Variants in RHD observed in about 807,000 individuals in gnomAD.
The protein encoded by RHD is blood group Rh(D) polypeptide.
Under a neutral mutation model 45.5 loss-of-function variants are expected in RHD, and 16 were observed. The observed-to-expected ratio is 0.35, with a 90% CI of 0.24 to 0.53. The LOEUF is 0.53. Among genes scored for constraint, RHD ranks in the 20% least tolerant of loss-of-function variants. RHD has a pLI of 0.92. For missense variants in RHD, 306 were observed against 532.0 expected (o/e 0.58, Z 4.18); for synonymous variants, 131 against 217.5 (o/e 0.60, Z 3.50).
At position 25,307,403 on chromosome 1, in the gene RHD, T is replaced by C. The variant is rs1643905324; in HGVS notation, c.1073+674T>C. Among the ~76,000 whole-genome samples the C allele has an allele frequency of 1.5e-5, 2 of 131,876 alleles. 1 individual carries two copies. The highest frequency in any genetic ancestry group is 5.2e-5 in the African/African-American group (2 of 38,324). 86.5% of individuals were successfully genotyped at this position (131,876 alleles called of 152,430 possible). ...ATGTTGTGTGAATATTTTCTGGACA[T>C]GGCTTATATAAAATGAAAAAGTGAA... On this transcript the variant is annotated intron_variant, in intron 7 of 9. Transcript: ENST00000328664.
chr1:25,287,355 T>G (rs147219176), intron 2 of RHD, among the ~76,000 whole-genome samples: 1 of 135,432 alleles, frequency 7.4e-6, no homozygotes, highest in Non-Finnish European at 1.8e-5. Context: ...TGACTCAATC[T>G]AGAAAGACGA....
intron 3 of RHD, among the ~76,000 whole-genome samples, chr1:25,300,532 A>G (rs28586271): frequency 0.03 from 3,552 of 118,388 alleles, 587 homozygotes; most frequent in African/African-American, 0.095. Flanking sequence ...AAAAAAGGCC[A>G]GGCGCAGTGG....
At chr1:25,302,201 G>A (rs1362904390) in intron 5 of RHD, among the ~76,000 whole-genome samples, 2 of 131,236 alleles carry the variant, frequency 1.5e-5, no homozygotes, top group East Asian at 3.9e-4. Flanking sequence ...TGCTTAACGG[G>A]GAGTAAATGG....
At position 25,321,746 on chromosome 1, in the gene RHD, T is replaced by G. The variant is rs868385987; in HGVS notation, c.1154-143T>G. ...TAAGCTGGTCCAGGAATGACAGGGCTTCCATTTATTTGTCTTTCAATTGTG... is the reference window on the plus strand; with the variant it reads ...TAAGCTGGTCCAGGAATGACAGGGCGTCCATTTATTTGTCTTTCAATTGTG... On this transcript the variant is annotated intron_variant, in intron 8 of 9. Coordinates refer to ENST00000328664, the MANE Select transcript of RHD (RefSeq NM_016124.6). 8.1e-5 allele frequency: 34 copies of G among 419,708 alleles called. 5 individuals are homozygous for G. The highest frequency in any genetic ancestry group is 2.8e-4 in the East Asian group (9 of 31,762). The allele number at this position is 419,708 out of a possible 1,614,324, so 26.0% of individuals were successfully genotyped here. A position where few individuals can be genotyped will look rare whatever the true frequency, so the allele number is the denominator to read the frequency against.
rs1231517207 is a variant in RHD, at chr1:25,302,504, C to T, written c.801+818C>T. Among the ~76,000 whole-genome samples the T allele has an allele frequency of 4.6e-5, 6 of 129,824 alleles. 1 individual carries two copies. Among genetic ancestry groups the T allele is most frequent in the Non-Finnish European group, 1.1e-4 (6 of 55,088 alleles). 85.2% of individuals were successfully genotyped at this position (129,824 alleles called of 152,430 possible). A position where few individuals can be genotyped will look rare whatever the true frequency, so the allele number is the denominator to read the frequency against. On this transcript the variant is annotated intron_variant, in intron 5 of 9. Coordinates refer to ENST00000328664, the MANE Select transcript of RHD (RefSeq NM_016124.6). Reference sequence around the variant, plus strand: ...TTCCATGGTGACAGAAAGTCTAAGACACCCAGCAAGGCAGGAGTGGGTGTC... The same window carrying T: ...TTCCATGGTGACAGAAAGTCTAAGATACCCAGCAAGGCAGGAGTGGGTGTC...
chr1:25,284,370 C>T (rs1343628347), intron 1 of RHD, among the ~76,000 whole-genome samples: 4 of 135,696 alleles, frequency 2.9e-5, no homozygotes, highest in Non-Finnish European at 7.0e-5. Context: ...TAATCCTTAT[C>T]TTATCCCCAC....
chr1:25,303,704 T>A lies in RHD; in HGVS notation c.939+245T>A, dbSNP rs1853885. Reference sequence around the variant, plus strand: ...TGGGGAGAATTTGTTATCAGGCTACTGGGGTGTCACAGAACTCAAGGACAG... The same window carrying A: ...TGGGGAGAATTTGTTATCAGGCTACAGGGGTGTCACAGAACTCAAGGACAG... On this transcript the variant is annotated intron_variant, in intron 6 of 9. Coordinates refer to ENST00000328664, the MANE Select transcript of RHD (RefSeq NM_016124.6). Among the ~76,000 whole-genome samples the A allele has an allele frequency of 1.4e-4, 18 of 131,854 alleles. 5 individuals carry two copies. The highest frequency in any genetic ancestry group is 2.1e-4 in the African/African-American group (8 of 38,230). The allele number at this position is 131,854 out of a possible 152,430, so 86.5% of individuals were successfully genotyped here.
In RHD at chr1:25,300,899, G is replaced by A. The variant is rs755141316; in HGVS notation, c.487-47G>A. The A allele has an allele frequency of 3.4e-5, 46 of 1,366,550 alleles. 12 individuals are homozygous for A. Among genetic ancestry groups the A allele is most frequent in the South Asian group, 1.2e-4 (10 of 84,630 alleles). 84.7% of individuals were successfully genotyped at this position (1,366,550 alleles called of 1,614,324 possible). A position where few individuals can be genotyped will look rare whatever the true frequency, so the allele number is the denominator to read the frequency against. On this transcript the variant is annotated intron_variant, in intron 3 of 9. Transcript: ENST00000328664. ...TCCAAGGACTATCAGGGCTTGCCCC[G>A]GGCAGAGGATGCCGACACTCACTGC...
intron 7 of RHD, among the ~76,000 whole-genome samples, chr1:25,314,996 A>G (rs1347227044): frequency 7.7e-6 from 1 of 129,682 alleles, no homozygotes; most frequent in African/African-American, 2.6e-5. Context: ...CAAGGTCAAG[A>G]GATCGAGATC....
intron 2 of RHD, among the ~76,000 whole-genome samples, chr1:25,287,109 A>G (rs1486789897): frequency 7.4e-6 from 1 of 135,008 alleles, no homozygotes; most frequent in East Asian, 1.9e-4. Context: ...AAAACAAAAC[A>G]AAAACAGTCT....
rs1479313359 is a variant in RHD at position 25,282,424 on chromosome 1, G to A, written c.149-2149G>A. Among the ~76,000 whole-genome samples, 3 of 130,344 alleles carry A rather than the reference G, an allele frequency of 2.3e-5. 1 individual carries two copies. The highest frequency in any genetic ancestry group is 5.4e-5 in the Non-Finnish European group (3 of 55,142). The allele number at this position is 130,344 out of a possible 152,430, so 85.5% of individuals were successfully genotyped here. A position where few individuals can be genotyped will look rare whatever the true frequency, so the allele number is the denominator to read the frequency against. On this transcript the variant is annotated intron_variant, in intron 1 of 9. Transcript: ENST00000328664. ...ATTTTTTTGTAATTTTAGTAGAGAC[G>A]GGGTTTCACCATGTTGGCCAGGCTA...
chr1:25,318,455 G>T (rs1260152800), intron 8 of RHD, among the ~76,000 whole-genome samples: 1 of 130,634 alleles, frequency 7.7e-6, no homozygotes, highest in Non-Finnish European at 1.8e-5. Context: ...AGGCGTGGTG[G>T]CGTGTGCCTG....
At chr1:25,285,563 C>G (rs1196115895) in intron 2 of RHD, among the ~76,000 whole-genome samples, 1 of 135,078 alleles carries the variant, frequency 7.4e-6, no homozygotes, top group Non-Finnish European at 1.8e-5. Flanking sequence ...ATGCTAAGAA[C>G]CATCACAACT....
At position 25,320,695 on chromosome 1, in the gene RHD, A is replaced by G. The variant is rs746910061; in HGVS notation, c.1154-1194A>G. 3.8e-5 allele frequency among the ~76,000 whole-genome samples: 5 copies of G among 131,980 alleles called. 2 individuals are homozygous for G. The highest frequency in any genetic ancestry group is 9.0e-5 in the Non-Finnish European group (5 of 55,726). The allele number at this position is 131,980 out of a possible 152,430, so 86.6% of individuals were successfully genotyped here. A position where few individuals can be genotyped will look rare whatever the true frequency, so the allele number is the denominator to read the frequency against. On this transcript the variant is annotated intron_variant, in intron 8 of 9. Transcript: ENST00000328664. ...CCATGTGTCCTGTGAAATTCATCCA[A>G]CTTCAGGAAGCTGGAGGAATACATA... is the stretch of plus-strand genomic sequence containing the variant.
rs1360862265 is a variant in RHD, at chr1:25,315,473, TTTTAA to T, written c.1074-1522_1074-1518del. Among the ~76,000 whole-genome samples the T allele has an allele frequency of 1.1e-4, 14 of 126,622 alleles. 1 individual carries two copies. Among genetic ancestry groups the T allele is most frequent in the African/African-American group, 3.0e-4 (11 of 36,364 alleles). The allele number at this position is 126,622 out of a possible 152,430, so 83.1% of individuals were successfully genotyped here. A position where few individuals can be genotyped will look rare whatever the true frequency, so the allele number is the denominator to read the frequency against. On this transcript the variant is annotated intron_variant, in intron 7 of 9. Coordinates refer to ENST00000328664, the MANE Select transcript of RHD (RefSeq NM_016124.6). Reference sequence around the variant, plus strand: ...AGCAGGGTGGCAACTCTTTTTATCTTTTTAATTTATTTTTCTTTTCTTTCTTTCTT... The same window carrying T: ...AGCAGGGTGGCAACTCTTTTTATCTTTTTATTTTTCTTTTCTTTCTTTCTT...
intron 3 of RHD, among the ~76,000 whole-genome samples, chr1:25,291,023 C>T (rs113383254): frequency 0.02 from 2,635 of 130,792 alleles, 361 homozygotes; most frequent in African/African-American, 0.063. Context: ...GTGGCATGCA[C>T]CTGTAGTCTC....
intron 1 of RHD, 82 bp downstream of exon 1, chr1:25,272,777 A>T: frequency 3.0e-6 from 4 of 1,336,092 alleles, no homozygotes; most frequent in East Asian, 4.5e-5. Context: ...CCAGGGGCAC[A>T]GATGTTCCTT....
At chr1:25,303,691 G>A (rs1345920470) in intron 6 of RHD, among the ~76,000 whole-genome samples, 1 of 132,150 alleles carries the variant, frequency 7.6e-6, no homozygotes, top group African/African-American at 2.6e-5. Context: ...GGGAGAATTT[G>A]TTATCAGGCT....
Position 25,300,997 on chromosome 1 carries a change from G to A in RHD, c.538G>A (p.Gly180Arg). The A allele has an allele frequency of 7.3e-7, 1 of 1,378,394 alleles. No homozygotes were observed. The highest frequency in any genetic ancestry group is 1.0e-6 in the Non-Finnish European group (1 of 978,596). The allele number at this position is 1,378,394 out of a possible 1,614,324, so 85.4% of individuals were successfully genotyped here. ...CATCTACGTGTTCGCAGCCTATTTT[G>A]GGCTGTCTGTGGCCTGGTGCCTGCC... ...MHIYVFAAYF[G>R]LSVAWCLPKP... The change falls in exon 4 of 10, where the codon GGG becomes AGG. Residue 180 changes from glycine to arginine, a missense_variant. Physicochemically the swap from Gly to Arg is moderately radical, Grantham distance 125 (BLOSUM62 -2). Coordinates refer to ENST00000328664, the MANE Select transcript of RHD (RefSeq NM_016124.6).
Sources: allele counts gnomAD v4.1 joint callset (sites outside exome capture counted in the v4.1 genomes callset), GRCh38; gene constraint gnomAD v4.1.1; transcripts MANE v1.5; gene names NCBI Gene and HGNC (gene_info 2026-07-23, HGNC 2026-07-21).